TRPV2: variants seen among roughly 807,000 people sequenced by gnomAD.
TRPV2 encodes transient receptor potential cation channel subfamily V member 2.
Under a neutral mutation model 91.0 loss-of-function variants are expected in TRPV2, and 58 were observed. That is an observed-to-expected ratio of 0.64 (90% CI 0.52 to 0.79). The LOEUF (loss-of-function observed/expected upper bound fraction) is 0.79, where lower values mean the gene tolerates loss of function less well. Among genes scored for constraint, TRPV2 ranks in the 30% least tolerant of loss-of-function variants. The pLI is 0.00. For synonymous variants in TRPV2, 417 were observed against 414.8 expected (o/e 1.01, Z -0.06); for missense variants, 807 against 969.6 (o/e 0.83, Z 2.23).
At chr17:16,432,323 C>CCCCCA (rs762356922) in intron 12 of TRPV2, 23 bp downstream of exon 12, 20 of 1,580,434 alleles carry the variant, frequency 1.3e-5, no homozygotes, top group Non-Finnish European at 1.7e-5. Flanking sequence ...AGGCTCCCTG[C>CCCCCA]CCCCACCCCA....
At chr17:16,431,273 ATATATATATATATACATATTTTTTTT>A (rs2093408980) in intron 10 of TRPV2, among the ~76,000 whole-genome samples, 3 of 73,568 alleles carry the variant, frequency 4.1e-5, no homozygotes, top group African/African-American at 1.2e-4. Context: ...ATATATATAT[ATATATATATATATACATATTTTTTTT>A]TTTTTTTTTT....
At chr17:16,425,170 A>G (rs1186053256) in intron 5 of TRPV2, among the ~76,000 whole-genome samples, 1 of 151,952 alleles carries the variant, frequency 6.6e-6, no homozygotes, top group African/African-American at 2.4e-5. Flanking sequence ...GATTACAGGC[A>G]TGTGCCACCA....
intron 5 of TRPV2, 140 bp from the exon 6 acceptor site, chr17:16,425,959 G>A (rs1022794632): frequency 1.2e-5 from 10 of 846,644 alleles, no homozygotes; most frequent in East Asian, 2.6e-5. Context: ...AAGGACCTGC[G>A]TGTATGGGGG....
chr17:16,422,889 G>T lies in TRPV2; in HGVS notation c.625G>T (p.Gly209Cys). The T allele has an allele frequency of 6.4e-7, 1 of 1,558,526 alleles. No homozygotes were observed. The part of the protein sequence containing the change: ...QKGQGTCFYF[G>C]ELPLSLAACT... ...GGGCCAAGGGACTTGCTTTTATTTC[G>T]GTGAGTGAGCCTTTCTTGGATAAAT... is the stretch of plus-strand genomic sequence containing the variant. Residue 209 changes from glycine (G) to cysteine (C), a missense_variant and splice_region_variant, in exon 4 of 15, where the codon GGT (glycine) becomes TGT (cysteine). Coordinates refer to ENST00000338560, the MANE Select transcript of TRPV2 (RefSeq NM_016113.5).
In TRPV2 at chr17:16,422,707, C is replaced by A. The variant is rs1021545147; in HGVS notation, c.443C>A (p.Pro148His). 1.2e-6 allele frequency: 2 copies of A among 1,608,212 alleles called. No individual in the cohort carries two copies. The highest frequency in any genetic ancestry group is 1.7e-4 in the Middle Eastern group (1 of 6,058). Residue 148 changes from proline (P) to histidine (H), a missense_variant, in exon 4 of 15, where the codon CCT (proline) becomes CAT (histidine). Transcript: ENST00000338560. ...CAGATCGACAGGGACTCTGGCAATC[C>A]TCAGCCCCTGGTAAATGCCCAGTGC... ...LLQIDRDSGNPQPLVNAQCTD... is the reference protein window; with the variant it reads ...LLQIDRDSGNHQPLVNAQCTD...
Position 16,436,845 on chromosome 17 carries a change from T to G in TRPV2, c.2251T>G (p.Ser751Ala), listed in dbSNP as rs1424467738. ...TCCCAAGGAGGATGAGGATGGTGCC[T>G]CTGAGGAAAACTATGTGCCCGTCCA... Reference protein sequence around the residue: ...SPPKEDEDGASEENYVPVQLL... With the variant: ...SPPKEDEDGAAEENYVPVQLL... The change falls in exon 15 of 15, where the codon TCT becomes GCT. Residue 751 changes from serine (S) to alanine (A), a missense_variant. By Grantham distance (99) the Ser-to-Ala change is moderately conservative (BLOSUM62 1). Coordinates refer to ENST00000338560, the MANE Select transcript of TRPV2 (RefSeq NM_016113.5). 4.3e-6 allele frequency: 7 copies of G among 1,614,094 alleles called. No homozygotes were observed. The highest frequency in any genetic ancestry group is 5.9e-6 in the Non-Finnish European group (7 of 1,179,988).
intron 12 of TRPV2, 102 bp downstream of exon 12, chr17:16,432,402 C>T (rs1455536428): frequency 3.0e-6 from 3 of 1,013,230 alleles, no homozygotes; most frequent in African/African-American, 3.3e-5. Context: ...CAGGAGATGC[C>T]GGGTTGGGCA....
Position 16,435,261 on chromosome 17 carries a change from C to T in TRPV2, c.2194+292C>T, listed in dbSNP as rs576642642. Among the ~76,000 whole-genome samples, 1 of 152,324 alleles carries T rather than the reference C, an allele frequency of 6.6e-6. No homozygotes were observed. The highest frequency in any genetic ancestry group is 1.9e-4 in the East Asian group (1 of 5,186). ...TCTCTCTGATGCCAGTCAGTCACAC[C>T]CTTTGCCCATTCAATTGGTTATCGA... On this transcript the variant is annotated intron_variant, in intron 14 of 14. Coordinates refer to ENST00000338560, the MANE Select transcript of TRPV2 (RefSeq NM_016113.5). This position sits in a 1 kb window ranked among gnomAD's most constrained non-coding sequence, Gnocchi z 4.2.
rs1168438191 is a variant in TRPV2, at chr17:16,422,914, T to C, written c.625+25T>C. Reference sequence around the variant, plus strand: ...GGTGAGTGAGCCTTTCTTGGATAAATCGAGGCAAAGAGAGAGTAAGGCCTG... The same window carrying C: ...GGTGAGTGAGCCTTTCTTGGATAAACCGAGGCAAAGAGAGAGTAAGGCCTG... On this transcript the variant is annotated intron_variant, in intron 4 of 14. Coordinates refer to ENST00000338560, the MANE Select transcript of TRPV2 (RefSeq NM_016113.5). The C allele has an allele frequency of 2.6e-6, 4 of 1,548,846 alleles. No homozygotes were observed. In the African/African-American group the frequency reaches 5.5e-5, roughly 21 times the overall value.
At chr17:16,417,365 C>T (rs2093335918) in intron 1 of TRPV2, among the ~76,000 whole-genome samples, 197 bp from the exon 2 acceptor site, 1 of 151,614 alleles carries the variant, frequency 6.6e-6, no homozygotes, top group African/African-American at 2.4e-5. Flanking sequence ...CTCACCCTCC[C>T]TAGTAGCTGG....
At chr17:16,436,754 A>C (rs1373640323) in intron 14 of TRPV2, 35 bp from the exon 15 acceptor site, 1 of 1,503,356 alleles carries the variant, frequency 6.7e-7, no homozygotes, top group African/African-American at 1.4e-5. Flanking sequence ...GACACACTCA[A>C]GGGTTAAGCT....
chr17:16,427,965 C>G, intron 8 of TRPV2, among the ~76,000 whole-genome samples: 1 of 152,170 alleles, frequency 6.6e-6, no homozygotes, highest in East Asian at 1.9e-4. Context: ...GGCTGGACAC[C>G]AAGACATTGG....
intron 2 of TRPV2, among the ~76,000 whole-genome samples, chr17:16,419,809 G>A (rs778478883): frequency 6.6e-6 from 1 of 152,238 alleles, no homozygotes; most frequent in Non-Finnish European, 1.5e-5. Flanking sequence ...TATCGAGGCT[G>A]TTGAGAGATG....
intron 5 of TRPV2, among the ~76,000 whole-genome samples, chr17:16,425,025 T>TC (rs1412189465): frequency 6.9e-6 from 1 of 144,218 alleles, no homozygotes; most frequent in Non-Finnish European, 1.5e-5. Context: ...CAGCTGCATT[T>TC]TTTTTTTTTT....
intron 5 of TRPV2, among the ~76,000 whole-genome samples, chr17:16,424,028 T>TCA (rs1303410291): frequency 2.6e-5 from 4 of 152,218 alleles, no homozygotes; most frequent in African/African-American, 9.6e-5. Context: ...TCGCTCTTGT[T>TCA]GCCCAGGCTG....
At position 16,435,140 on chromosome 17, in the gene TRPV2, C is replaced by CTCCTT. The variant is rs139327196; in HGVS notation, c.2194+180_2194+184dup. Among the ~76,000 whole-genome samples, 6,089 of 152,222 alleles carry CTCCTT rather than the reference C, an allele frequency of 0.04. 369 individuals carry two copies. Among genetic ancestry groups the CTCCTT allele is most frequent in the African/African-American group, 0.14 (5,706 of 41,474 alleles). On this transcript the variant is annotated intron_variant, in intron 14 of 14. Coordinates refer to ENST00000338560, the MANE Select transcript of TRPV2 (RefSeq NM_016113.5). This position sits in a 1 kb window ranked among gnomAD's most constrained non-coding sequence, Gnocchi z 4.2. ...ATTGCCTCCTTAAAACAGTGGTTCC[C>CTCCTT]TCCTTTCCTTTCCACCCACACCTTG...
Position 16,423,655 on chromosome 17 carries a change from A to T in TRPV2, c.812A>T (p.Asp271Val), listed in dbSNP as rs1373038870. ...ENIALVTSMY[D>V]GLLQAGARLC... is the part of the protein sequence containing the mutation. ...ATTGCACTGGTGACCAGCATGTATG[A>T]TGGGCTCCTCCAAGCTGGGGCCCGC... Residue 271 changes from aspartate (D) to valine (V), a missense_variant, in exon 5 of 15, where the codon GAT becomes GTT. Coordinates refer to ENST00000338560, the MANE Select transcript of TRPV2 (RefSeq NM_016113.5). 6.2e-7 allele frequency: 1 copy of T among 1,614,124 alleles called. No individual in the cohort carries two copies.
intron 10 of TRPV2, among the ~76,000 whole-genome samples, chr17:16,431,275 A>ATG (rs2093409130): frequency 1.3e-5 from 1 of 74,810 alleles, no homozygotes; most frequent in Non-Finnish European, 2.5e-5. Flanking sequence ...ATATATATAT[A>ATG]TATATATATA....
Position 16,426,253 on chromosome 17 carries a change from T to G in TRPV2, c.1079T>G (p.Phe360Cys). The change falls in exon 6 of 15, where the codon TTT becomes TGT. Residue 360 changes from phenylalanine (F) to cysteine (C), a missense_variant. Physicochemically the swap from Phe to Cys is radical, Grantham distance 205. Transcript: ENST00000338560. The surrounding 1 kb of genome is among the most constrained non-coding windows in gnomAD (Gnocchi z 6.0). ...AACTCAGTGCTGGAGATCATTGCCT[T>G]TCATTGCAAGAGCCCGGTGAGCCCA... is the stretch of plus-strand genomic sequence containing the variant. ...EENSVLEIIA[F>C]HCKSPHRHRM... 2.5e-6 allele frequency: 4 copies of G among 1,614,146 alleles called. No individual in the cohort carries two copies. The highest frequency in any genetic ancestry group is 3.4e-6 in the Non-Finnish European group (4 of 1,180,020).
Sources: gnomAD v4.1 joint callset for allele counts (sites outside exome capture counted in the v4.1 genomes callset) on GRCh38, gnomAD v4.1.1 for gene constraint, Gnocchi (gnomAD v3.1) non-coding constraint, MANE v1.5 for transcripts, NCBI Gene and HGNC (gene_info 2026-07-23, HGNC 2026-07-21) for gene names.